CLPTM1L: variants seen among roughly 807,000 people sequenced by gnomAD.
The protein encoded by CLPTM1L is lipid scramblase CLPTM1L.
A neutral mutation model predicts 70.9 loss-of-function variants in CLPTM1L; 38 were observed. The ratio of observed to expected loss-of-function variants is 0.54; its 90% CI spans 0.41 to 0.70. CLPTM1L has a LOEUF of 0.70. Ranked by LOEUF, CLPTM1L falls within the 30% of genes least tolerant of loss-of-function variation. CLPTM1L has a pLI of 0.00. For missense variants in CLPTM1L, 652 were observed against 705.9 expected (o/e 0.92, Z 0.87); for synonymous variants, 339 against 299.9 (o/e 1.13, Z -1.35).
chr5:1,341,180 C>G (rs909145587), intron 3 of CLPTM1L, among the ~76,000 whole-genome samples: 8 of 152,220 alleles, frequency 5.3e-5, no homozygotes, highest in African/African-American at 1.9e-4. Context: ...TTTTTATTTG[C>G]GCATACACCT....
At chr5:1,321,990 C>T (rs1448376826) in intron 13 of CLPTM1L, among the ~76,000 whole-genome samples, 171 bp from the exon 14 acceptor site, 1 of 152,200 alleles carries the variant, frequency 6.6e-6, no homozygotes, top group East Asian at 1.9e-4. Context: ...TGTGAAGCAG[C>T]TTTCTGGCTG....
Position 1,341,792 on chromosome 5 carries a change from T to A in CLPTM1L, c.332A>T (p.His111Leu). 1 of 1,614,100 alleles carries A rather than the reference T, an allele frequency of 6.2e-7. No individual in the cohort carries two copies. The highest frequency in any genetic ancestry group is 8.5e-7 in the Non-Finnish European group (1 of 1,180,004). The change falls in exon 3 of 17, where the codon CAT (histidine) becomes CTT (leucine). Residue 111 changes from histidine to leucine, a missense_variant. Coordinates refer to ENST00000320895, the MANE Select transcript of CLPTM1L (RefSeq NM_030782.5). ...GTGCCACGGCAGGACCCCAGCGTGA[T>A]GGAGGAAGATGTAGGCATACAGCGT... is the stretch of plus-strand genomic sequence containing the variant. ...NGTLYAYIFLHHAGVLPWHDG... is the reference protein window; with the variant it reads ...NGTLYAYIFLLHAGVLPWHDG...
At position 1,342,096 on chromosome 5, in the gene CLPTM1L, G is replaced by A. The variant is rs534671733; in HGVS notation, c.264-236C>T. Among the ~76,000 whole-genome samples the A allele has an allele frequency of 6.6e-6, 1 of 151,510 alleles. No homozygotes were observed. Among genetic ancestry groups the A allele is most frequent in the East Asian group, 2.0e-4 (1 of 5,074 alleles). On this transcript the variant is annotated intron_variant, in intron 2 of 16. Transcript: ENST00000320895. The surrounding 1 kb of genome is among the most constrained non-coding windows in gnomAD (Gnocchi z 4.3). ...GGCACAGGTGTGGGCGCCTACAGCCGAAAGCAAAACGGCCCGCACTTCCTG... is the reference window on the plus strand; with the variant it reads ...GGCACAGGTGTGGGCGCCTACAGCCAAAAGCAAAACGGCCCGCACTTCCTG...
At chr5:1,330,173 G>C in intron 9 of CLPTM1L, 107 bp downstream of exon 9, 1 of 888,642 alleles carries the variant, frequency 1.1e-6, no homozygotes, top group Non-Finnish European at 1.8e-6. Context: ...TCGGGAACAA[G>C]CACACAGGCT....
At chr5:1,335,657 G>A (rs567647022) in intron 5 of CLPTM1L, among the ~76,000 whole-genome samples, 58 of 152,358 alleles carry the variant, frequency 3.8e-4, no homozygotes, top group Admixed American at 1.1e-3. Context: ...GGGGGTGGCC[G>A]TGGGGACAAC....
In CLPTM1L at chr5:1,330,362, G is replaced by C; in HGVS notation, c.998C>G (p.Thr333Ser). 1.2e-6 allele frequency: 2 copies of C among 1,612,854 alleles called. No individual in the cohort carries two copies. Among genetic ancestry groups the C allele is most frequent in the Non-Finnish European group, 1.7e-6 (2 of 1,179,978 alleles). ...CAGCAGGAACAGAAAGATGACCACG[G>C]TGCTGAAGCAGCGCCAGAGCACTGG... ...TKAVLWRCFS[T>S]VVIFLFLLDE... Residue 333 changes from threonine to serine, a missense_variant, in exon 9 of 17, where the codon ACC (threonine) becomes AGC (serine). Physicochemically the swap from Thr to Ser is moderately conservative, Grantham distance 58 (BLOSUM62 1). Around this residue, in one of 3 missense-constraint regions of CLPTM1L, gnomAD observed 240 missense variants for 295.0 expected, o/e 0.81. Transcript: ENST00000320895.
At chr5:1,328,701 T>TAGACACATTCCATCCAGCTCCTCCTCTAC (rs1486347242) in intron 9 of CLPTM1L, among the ~76,000 whole-genome samples, 2 of 72,290 alleles carry the variant, frequency 2.8e-5, no homozygotes, top group Non-Finnish European at 5.8e-5. Context: ...TCCTCCTCTA[T>TAGACACATTCCATCCAGCTCCTCCTCTAC]AGACACATTC....
At position 1,324,069 on chromosome 5, in the gene CLPTM1L, G is replaced by A. The variant is rs994748532; in HGVS notation, c.1198-200C>T. 24 of 580,260 alleles carry A rather than the reference G, an allele frequency of 4.1e-5. No individual in the cohort carries two copies. The Middle Eastern group carries it at 1.8e-3, about 44-fold the overall frequency. The allele number at this position is 580,260 out of a possible 1,614,324, so 35.9% of individuals were successfully genotyped here. On this transcript the variant is annotated intron_variant, in intron 11 of 16. Transcript: ENST00000320895. ...CACAGCCCCAGGAGGCACCGCACAC[G>A]CCAGAGCCCGGGTGTAACTACAGGC...
chr5:1,327,677 T>C (rs912671861), intron 9 of CLPTM1L, among the ~76,000 whole-genome samples: 10 of 148,572 alleles, frequency 6.7e-5, no homozygotes. Context: ...ATCCAGCTCC[T>C]CCTCTACAGA....
chr5:1,322,037 C>G (rs1206546809), intron 13 of CLPTM1L, among the ~76,000 whole-genome samples: 1 of 152,230 alleles, frequency 6.6e-6, no homozygotes, highest in Admixed American at 6.5e-5. Flanking sequence ...CTTTGGAGAG[C>G]AAAGCTCTTC....
At chr5:1,333,001 AGG>A (rs1753215380) in intron 7 of CLPTM1L, among the ~76,000 whole-genome samples, 1 of 146,458 alleles carries the variant, frequency 6.8e-6, no homozygotes, top group African/African-American at 2.6e-5. Flanking sequence ...GATGAGGATA[AGG>A]GGGGAATACT....
chr5:1,329,486 CTTGGTGGA>C, intron 9 of CLPTM1L, among the ~76,000 whole-genome samples: 1 of 147,796 alleles, frequency 6.8e-6, no homozygotes, highest in African/African-American at 2.5e-5. Flanking sequence ...GGACTCTCTG[CTTGGTGGA>C]CAGAGCCTCA....
Position 1,342,046 on chromosome 5 carries a change from G to A in CLPTM1L, c.264-186C>T, listed in dbSNP as rs1022851719. ...TGTGTGTGTGTGTGTGTGTGCACGC[G>A]CACGCGTGCGCGTCCTGAGAACTCG... On this transcript the variant is annotated intron_variant, in intron 2 of 16. Coordinates refer to ENST00000320895, the MANE Select transcript of CLPTM1L (RefSeq NM_030782.5). This position sits in a 1 kb window ranked among gnomAD's most constrained non-coding sequence, Gnocchi z 4.3. 1.3e-5 allele frequency among the ~76,000 whole-genome samples: 2 copies of A among 151,234 alleles called. No homozygotes were observed. The highest frequency in any genetic ancestry group is 2.5e-5 in the African/African-American group (1 of 40,810).
chr5:1,331,980 G>T lies in CLPTM1L; in HGVS notation c.892-97C>A, dbSNP rs374939384. 28 of 963,934 alleles carry T rather than the reference G, an allele frequency of 2.9e-5. No individual in the cohort carries two copies. In the East Asian group the frequency reaches 6.9e-4, roughly 24 times the overall value. 59.7% of individuals were successfully genotyped at this position (963,934 alleles called of 1,614,324 possible). ...CTTCGTGTGTGACCGTGAGACTGCA[G>T]GTGTACTCAGCCTCAGGATGCATCA... On this transcript the variant is annotated intron_variant, in intron 7 of 16. Transcript: ENST00000320895.
chr5:1,337,173 TC>T (rs1753625996), intron 5 of CLPTM1L, among the ~76,000 whole-genome samples: 1 of 152,124 alleles, frequency 6.6e-6, no homozygotes, highest in Admixed American at 6.6e-5. Flanking sequence ...AATAACCTCA[TC>T]CGTGAAACAA....
At position 1,318,314 on chromosome 5, in the gene CLPTM1L, A is replaced by G. The variant is rs1579612415; in HGVS notation, c.*55T>C. 7.1e-7 allele frequency: 1 copy of G among 1,406,728 alleles called. No individual in the cohort carries two copies. The highest frequency in any genetic ancestry group is 2.3e-5 in the East Asian group (1 of 43,620). 87.1% of individuals were successfully genotyped at this position (1,406,728 alleles called of 1,614,324 possible). A position where few individuals can be genotyped will look rare whatever the true frequency, so the allele number is the denominator to read the frequency against. On this transcript the variant is annotated 3_prime_UTR_variant, in exon 17 of 17. Coordinates refer to ENST00000320895, the MANE Select transcript of CLPTM1L (RefSeq NM_030782.5). The surrounding 1 kb of genome is among the most constrained non-coding windows in gnomAD (Gnocchi z 8.9). Reference sequence around the variant, plus strand: ...CTAGGAATTCCTCCAAATGCTTCCAAAAATACTCATTGACAATTCAAGTTG... The same window carrying G: ...CTAGGAATTCCTCCAAATGCTTCCAGAAATACTCATTGACAATTCAAGTTG...
At chr5:1,330,457 C>A (rs766805389) in intron 8 of CLPTM1L, 74 bp from the exon 9 acceptor site, 31 of 1,166,956 alleles carry the variant, frequency 2.7e-5, no homozygotes, top group African/African-American at 2.1e-4. Context: ...CACACACATA[C>A]CCCCAGTCCC....
chr5:1,319,591 C>T (rs933166906), intron 16 of CLPTM1L, among the ~76,000 whole-genome samples: 4 of 152,180 alleles, frequency 2.6e-5, no homozygotes, highest in East Asian at 1.9e-4. Flanking sequence ...AGGCAGGACC[C>T]GCCAGGACGG....
chr5:1,326,226 G>A, intron 9 of CLPTM1L: 1 of 252,196 alleles, frequency 4.0e-6, no homozygotes. Context: ...GCTCAGGACG[G>A]GTGCCAGAGC....
Sources: gnomAD v4.1 joint callset for allele counts (sites outside exome capture counted in the v4.1 genomes callset) on GRCh38, gnomAD v4.1.1 for gene constraint, gnomAD v4.1.1 regional missense constraint, Gnocchi (gnomAD v3.1) non-coding constraint, MANE v1.5 for transcripts, NCBI Gene and HGNC (gene_info 2026-07-23, HGNC 2026-07-21) for gene names.